ZSCAN10: variants seen among roughly 807,000 people sequenced by gnomAD.
ZSCAN10 encodes the protein zinc finger and SCAN domain containing 10.
A neutral mutation model predicts 63.7 loss-of-function variants in ZSCAN10; 52 were observed. That is an observed-to-expected ratio of 0.82 (90% CI 0.65 to 1.03). ZSCAN10 has a LOEUF of 1.03. Ranked by LOEUF, ZSCAN10 falls within the 50% of genes least tolerant of loss-of-function variation. ZSCAN10 has a pLI of 0.00. For synonymous variants in ZSCAN10, 544 were observed against 479.6 expected, an observed-to-expected ratio of 1.13 and a Z score of -1.76; for missense variants, 1,223 against 1,103.8, an observed-to-expected ratio of 1.11 and a Z score of -1.53.
At position 3,089,811 on chromosome 16, in the gene ZSCAN10, C is replaced by T; in HGVS notation, c.1623G>A (p.Arg541=). The part of the protein sequence containing the change: ...FRRSEHLVAH[R]RVHTGERPFS... Reference sequence around the variant, plus strand: ...AGGGCCGCTCGCCCGTGTGCACCCTCCGGTGGGCCACCAGGTGCTCGCTGC... The same window carrying T: ...AGGGCCGCTCGCCCGTGTGCACCCTTCGGTGGGCCACCAGGTGCTCGCTGC... The change falls in exon 6 of 6, where the codon CGG becomes CGA. Residue 541 remains arginine (R), a synonymous_variant. Transcript: ENST00000576985. 4 of 1,579,238 alleles carry T rather than the reference C, an allele frequency of 2.5e-6. No homozygotes were observed. Among genetic ancestry groups the T allele is most frequent in the Non-Finnish European group, 3.4e-6 (4 of 1,169,732 alleles).
Position 3,092,642 on chromosome 16 carries a change from T to C in ZSCAN10, c.296A>G (p.His99Arg). 1.9e-6 allele frequency: 3 copies of C among 1,611,266 alleles called. No homozygotes were observed. The South Asian group carries it at 3.3e-5, about 18-fold the overall frequency. The change falls in exon 2 of 6, where the codon CAC becomes CGC. Residue 99 changes from histidine (H) to arginine (R), a missense_variant. By Grantham distance (29) the His-to-Arg change is conservative. Coordinates refer to ENST00000576985, the MANE Select transcript of ZSCAN10 (RefSeq NM_032805.3). ...CTGCCCCTGCAGGCGGCCCAGGAGG[T>C]GCGGAGGCAGCACACTCAGGAACTG... ...LEQFLSVLPP[H>R]LLGRLQGQPL...
rs190894370 is a variant in ZSCAN10 at position 3,090,699 on chromosome 16, C to T, written c.788-53G>A. 5.0e-5 allele frequency: 75 copies of T among 1,485,614 alleles called. No individual in the cohort carries two copies. The Admixed American group carries it at 1.8e-3, about 35-fold the overall frequency. 92.0% of individuals were successfully genotyped at this position (1,485,614 alleles called of 1,614,324 possible). A position where few individuals can be genotyped will look rare whatever the true frequency, so the allele number is the denominator to read the frequency against. Reference sequence around the variant, plus strand: ...TCAGGCCTATTCCCAGGGCCACTATCAATCACCAGAACCTGATTGGCCTGG... The same window carrying T: ...TCAGGCCTATTCCCAGGGCCACTATTAATCACCAGAACCTGATTGGCCTGG... On this transcript the variant is annotated intron_variant, in intron 5 of 5. Transcript: ENST00000576985.
intron 1 of ZSCAN10, among the ~76,000 whole-genome samples, chr16:3,095,344 C>T (rs956517503): frequency 3.3e-5 from 5 of 151,976 alleles, no homozygotes; most frequent in South Asian, 2.1e-4. Context: ...GGTGAAACCC[C>T]GTCTCTACTA....
At chr16:3,091,396 T>A (rs1184827740) in intron 5 of ZSCAN10, 144 bp downstream of exon 5, 4 of 852,992 alleles carry the variant, frequency 4.7e-6, no homozygotes, top group Non-Finnish European at 7.6e-6. Context: ...GTAATCCTAG[T>A]ACTTTGGGAG....
In ZSCAN10 at chr16:3,090,317, C is replaced by CA; in HGVS notation, c.1116dup (p.Gly373TrpfsTer93). ...CAGCAAAGGCACAGGAAGGAGCGCC[C>CA]AGCCGGGTGCGAGCGCAGCTGGTGC... is the stretch of plus-strand genomic sequence containing the variant. On this transcript the variant is annotated frameshift_variant, in exon 6 of 6. Coordinates refer to ENST00000576985, the MANE Select transcript of ZSCAN10 (RefSeq NM_032805.3). LOFTEE classifies it high-confidence loss of function. 1 of 1,609,442 alleles carries CA rather than the reference C, an allele frequency of 6.2e-7. No homozygotes were observed. The highest frequency in any genetic ancestry group is 8.5e-7 in the Non-Finnish European group (1 of 1,178,444).
Position 3,092,759 on chromosome 16 carries a change from G to A in ZSCAN10, c.179C>T (p.Ala60Val), listed in dbSNP as rs760269637. ...FQYQEDMGPRASLSRLRELCG... is the reference protein window; with the variant it reads ...FQYQEDMGPRVSLSRLRELCG... ...GAGCTCCCGGAGCCGGCTCAGGGAC[G>A]CCCGTGGCCCCATGTCCTCCTGATA... The change falls in exon 2 of 6, where the codon GCG becomes GTG. Residue 60 changes from alanine (A) to valine (V), a missense_variant. Coordinates refer to ENST00000576985, the MANE Select transcript of ZSCAN10 (RefSeq NM_032805.3). 83 of 1,607,184 alleles carry A rather than the reference G, an allele frequency of 5.2e-5. No individual in the cohort carries two copies. The highest frequency in any genetic ancestry group is 6.9e-5 in the Non-Finnish European group (81 of 1,177,260).
intron 1 of ZSCAN10, among the ~76,000 whole-genome samples, chr16:3,098,091 A>G (rs568688595): frequency 3.5e-4 from 52 of 150,472 alleles, no homozygotes; most frequent in African/African-American, 1.2e-3. Context: ...AAAAGAAAAG[A>G]AAAAAAAAGA....
chr16:3,089,483 G>A lies in ZSCAN10; in HGVS notation c.1951C>T (p.Arg651Cys), dbSNP rs781661100. ...TCCCCTGTGTGGATGCGCTGGTGGC[G>A]CGCCAGGTGGGCGCTCTGGCTGAAG... ...EGFSQSAHLARHQRIHTGEKP... is the reference protein window; with the variant it reads ...EGFSQSAHLACHQRIHTGEKP... The change falls in exon 6 of 6, where the codon CGC (arginine) becomes TGC (cysteine). Residue 651 changes from arginine (R) to cysteine (C), a missense_variant. Coordinates refer to ENST00000576985, the MANE Select transcript of ZSCAN10 (RefSeq NM_032805.3). The A allele has an allele frequency of 1.2e-6, 2 of 1,602,510 alleles. No homozygotes were observed. The highest frequency in any genetic ancestry group is 1.7e-6 in the Non-Finnish European group (2 of 1,176,566).
chr16:3,092,165 C>G lies in ZSCAN10; in HGVS notation c.548G>C (p.Arg183Pro), dbSNP rs149971053. 3 of 1,613,126 alleles carry G rather than the reference C, an allele frequency of 1.9e-6. No individual in the cohort carries two copies. The highest frequency in any genetic ancestry group is 1.1e-5 in the South Asian group (1 of 91,064). ...SVLGPSDEPP[R>P]PQPRAAQPAE... ...AGGCTGGGCAGCCCTTGGCTGGGGT[C>G]GGGGAGGCTCATCCGATGGGCCCAG... Residue 183 changes from arginine (R) to proline (P), a missense_variant, in exon 3 of 6, where the codon CGA becomes CCA. Arg to Pro is a moderately radical substitution (Grantham distance 103, BLOSUM62 -2). Coordinates refer to ENST00000576985, the MANE Select transcript of ZSCAN10 (RefSeq NM_032805.3).
intron 1 of ZSCAN10, among the ~76,000 whole-genome samples, chr16:3,098,772 G>A (rs1957187014): frequency 6.6e-6 from 1 of 152,228 alleles, no homozygotes. Context: ...ACCCACCCAG[G>A]TCACCTGAGA....
Position 3,090,234 on chromosome 16 carries a change from G to C in ZSCAN10, c.1200C>G (p.Asp400Glu). 6.2e-7 allele frequency: 1 copy of C among 1,607,434 alleles called. No homozygotes were observed. The highest frequency in any genetic ancestry group is 1.7e-5 in the Admixed American group (1 of 59,938). Residue 400 changes from aspartate to glutamate, a missense_variant, in exon 6 of 6, where the codon GAC becomes GAG. By Grantham distance (45) the Asp-to-Glu change is conservative. Coordinates refer to ENST00000576985, the MANE Select transcript of ZSCAN10 (RefSeq NM_032805.3). ...ACAGGTGGCAGGCGTGCGGCCGCTC[G>C]TCCGTGTGAGTGCGCATGTGCAGCT... ...ILKLHMRTHT[D>E]ERPHACHLCG...
chr16:3,092,498 C>G, intron 2 of ZSCAN10, 44 bp downstream of exon 2: 1 of 1,461,798 alleles, frequency 6.8e-7, no homozygotes. Context: ...GGATCAAGTC[C>G]CCATCATCCG....
At chr16:3,091,402 G>C in intron 5 of ZSCAN10, 138 bp downstream of exon 5, 1 of 898,604 alleles carries the variant, frequency 1.1e-6, no homozygotes, top group Non-Finnish European at 1.8e-6. Flanking sequence ...CTAGTACTTT[G>C]GGAGGCTGAG....
rs746919350 is a variant in ZSCAN10, at chr16:3,091,510, TGGTCACTTCTCCAGGGAAG to T, written c.787+11_787+29del. ...AGACAAGAAAAGAAAGAGGCATCAGTGGTCACTTCTCCAGGGAAGGGTTGCTTACCCAGGGGGTGTGCAG... is the reference window on the plus strand; with the variant it reads ...AGACAAGAAAAGAAAGAGGCATCAGTGGTTGCTTACCCAGGGGGTGTGCAG... On this transcript the variant is annotated intron_variant, in intron 5 of 5. Transcript: ENST00000576985. 1 of 1,611,866 alleles carries T rather than the reference TGGTCACTTCTCCAGGGAAG, an allele frequency of 6.2e-7. No homozygotes were observed. Among genetic ancestry groups the T allele is most frequent in the Non-Finnish European group, 8.5e-7 (1 of 1,178,052 alleles).
chr16:3,089,058 G>A lies in ZSCAN10; in HGVS notation c.*33C>T. On this transcript the variant is annotated 3_prime_UTR_variant, in exon 6 of 6. Transcript: ENST00000576985. The stretch of plus-strand genomic sequence containing the variant: ...CGCTGTGGAGGACCCCGGGTAGGTG[G>A]CGCAGGGCGCGGCTGGCGGAAGGCG... The A allele has an allele frequency of 2.1e-6, 3 of 1,461,148 alleles. No individual in the cohort carries two copies. The highest frequency in any genetic ancestry group is 2.7e-6 in the Non-Finnish European group (3 of 1,117,832). The allele number at this position is 1,461,148 out of a possible 1,614,324, so 90.5% of individuals were successfully genotyped here.
chr16:3,091,962 G>A, intron 3 of ZSCAN10, 87 bp downstream of exon 3: 1 of 1,571,912 alleles, frequency 6.4e-7, no homozygotes, highest in Non-Finnish European at 8.6e-7. Flanking sequence ...TGGTCACCTG[G>A]GGAGGCCCCA....
At chr16:3,091,066 T>C (rs1166186120) in intron 5 of ZSCAN10, among the ~76,000 whole-genome samples, 1 of 151,632 alleles carries the variant, frequency 6.6e-6, no homozygotes, top group Non-Finnish European at 1.5e-5. Context: ...TGAGACTCTG[T>C]CTGAAAACAA....
Position 3,089,108 on chromosome 16 carries a change from G to A in ZSCAN10, c.2326C>T (p.Arg776Cys). The A allele has an allele frequency of 6.6e-7, 1 of 1,504,088 alleles. No homozygotes were observed. Among genetic ancestry groups the A allele is most frequent in the African/African-American group, 1.4e-5 (1 of 70,256 alleles). 93.2% of individuals were successfully genotyped at this position (1,504,088 alleles called of 1,614,324 possible). Reference protein sequence around the residue: ...HLLRHLRTHARETLY With the variant: ...HLLRHLRTHACETLY ...GGGCCAAGCTAGTACAGCGTCTCGC[G>A]GGCGTGGGTGCGCAGGTGGCGCAGC... The change falls in exon 6 of 6, where the codon CGC becomes TGC. Residue 776 changes from arginine to cysteine, a missense_variant. Transcript: ENST00000576985.
Position 3,089,172 on chromosome 16 carries a change from G to T in ZSCAN10, c.2262C>A (p.Cys754Ter). ...GGCTGAAGCTGCGGCCACACTGCGT[G>T]CAGGAGTAGGGCCTGGCGCCCGTGT... Reference protein sequence around the residue: ...LVHTGARPYSCTQCGRSFSRN... With the variant: ...LVHTGARPYS Residue 754 changes from cysteine to a stop codon, truncating the protein, a stop_gained, in exon 6 of 6, where the codon TGC (cysteine) becomes TGA (stop). Coordinates refer to ENST00000576985, the MANE Select transcript of ZSCAN10 (RefSeq NM_032805.3). LOFTEE classifies it high-confidence loss of function. 6.4e-7 allele frequency: 1 copy of T among 1,565,276 alleles called. No homozygotes were observed. Among genetic ancestry groups the T allele is most frequent in the Non-Finnish European group, 8.6e-7 (1 of 1,165,086 alleles).
Sources: gnomAD v4.1 joint callset for allele counts (sites outside exome capture counted in the v4.1 genomes callset) on GRCh38, gnomAD v4.1.1 for gene constraint, MANE v1.5 for transcripts, NCBI Gene and HGNC (gene_info 2026-07-23, HGNC 2026-07-21) for gene names.